The following CHURC1 variants were observed in gnomAD, a reference collection of about 807,000 sequenced individuals.
CHURC1 encodes churchill domain containing 1, also known as protein Churchill.
Under a neutral mutation model 15.4 loss-of-function variants are expected in CHURC1, and 12 were observed. The observed-to-expected ratio is 0.78, with a 90% confidence interval of 0.50 to 1.27. The LOEUF (loss-of-function observed/expected upper bound fraction) is 1.27. Ranked by LOEUF, CHURC1 falls within the 50% of genes most tolerant of loss-of-function variation. The pLI is 0.00. For synonymous variants in CHURC1, 42 were observed against 47.5 expected (o/e 0.88, Z 0.48); for missense variants, 132 against 137.8 (o/e 0.96, Z 0.21).
intron 2 of CHURC1, 83 bp from the exon 3 acceptor site, chr14:64,925,927 A>G (rs572154745): frequency 3.0e-6 from 3 of 986,880 alleles, no homozygotes; most frequent in Non-Finnish European, 4.5e-6. Context: ...TCTTTAAATA[A>G]TATGCTGAGA....
chr14:64,925,385 C>T (rs1429166122), intron 2 of CHURC1, among the ~76,000 whole-genome samples: 1 of 151,892 alleles, frequency 6.6e-6, no homozygotes, highest in African/African-American at 2.4e-5. Flanking sequence ...TAAATAGGTC[C>T]AGCTGGGATG....
intron 1 of CHURC1, among the ~76,000 whole-genome samples, chr14:64,922,591 AAAAAAAAAAATC>A (rs1032079887): frequency 6.6e-6 from 1 of 151,994 alleles, no homozygotes; most frequent in Non-Finnish European, 1.5e-5. Flanking sequence ...AAAAAAAAAA[AAAAAAAAAAATC>A]AAAGCAAAGC....
chr14:64,926,017 T>C lies in CHURC1; in HGVS notation c.183T>C (p.Cys61=), dbSNP rs1276581014. The C allele has an allele frequency of 8.1e-6, 13 of 1,596,590 alleles. No homozygotes were observed. In the Admixed American group the frequency reaches 2.3e-4, roughly 28 times the overall value. The change falls in exon 3 of 4, where the codon TGT becomes TGC. Residue 61 remains cysteine (C), a synonymous_variant. Coordinates refer to ENST00000549115, the MANE Select transcript of CHURC1 (RefSeq NM_001386928.1). ...CTCTCTTTGTTTTAGCAGATTTGTG[T>C]AAGAATTGTCATCATGTAATAGCCA... The part of the protein sequence containing the change: ...GEEIVTYDHL[C]KNCHHVIARH...
At chr14:64,930,256 A>G (rs1417764797) in intron 3 of CHURC1, among the ~76,000 whole-genome samples, 1 of 152,122 alleles carries the variant, frequency 6.6e-6, no homozygotes, top group Admixed American at 6.5e-5. Flanking sequence ...TATTTTCTGT[A>G]CTTGGCTGGT....
chr14:64,918,725 G>T (rs1016213329), intron 1 of CHURC1, among the ~76,000 whole-genome samples: 4 of 152,048 alleles, frequency 2.6e-5, no homozygotes, highest in Non-Finnish European at 5.9e-5. Flanking sequence ...ACCTACTTGG[G>T]AAGAGGCTAA....
Position 64,932,356 on chromosome 14 carries a change from ATTCTTTGAGG to A in CHURC1, c.*127_*136del. On this transcript the variant is annotated 3_prime_UTR_variant, in exon 4 of 4. Transcript: ENST00000549115. ...ATTTTTTTTCTGCTTAGACTTACTT[ATTCTTTGAGG>A]AAAAAAGGTAATGTAGGAGCTCATT... is the stretch of plus-strand genomic sequence containing the variant. The A allele has an allele frequency of 1.4e-6, 2 of 1,457,388 alleles. No homozygotes were observed. The highest frequency in any genetic ancestry group is 1.8e-6 in the Non-Finnish European group (2 of 1,102,222). The allele number at this position is 1,457,388 out of a possible 1,614,324, so 90.3% of individuals were successfully genotyped here.
intron 2 of CHURC1, among the ~76,000 whole-genome samples, chr14:64,925,778 A>T (rs1226627461): frequency 6.6e-6 from 1 of 151,768 alleles, no homozygotes; most frequent in Non-Finnish European, 1.5e-5. Context: ...TCTCTTAAAG[A>T]ACTTTTGGTG....
chr14:64,914,826 CCCCACTT>C (rs986176576), intron 1 of CHURC1, among the ~76,000 whole-genome samples: 6 of 152,254 alleles, frequency 3.9e-5, no homozygotes, highest in African/African-American at 1.2e-4. Flanking sequence ...ACTCCCCCAC[CCCCACTT>C]CCGGTCTCAT....
chr14:64,915,729 C>T (rs1883841563), intron 1 of CHURC1, among the ~76,000 whole-genome samples: 1 of 152,118 alleles, frequency 6.6e-6, no homozygotes, highest in African/African-American at 2.4e-5. Flanking sequence ...CAGACATGAC[C>T]CAGTGATTCC....
At chr14:64,914,625 C>T in intron 1 of CHURC1, 91 bp downstream of exon 1, 6 of 1,586,068 alleles carry the variant, frequency 3.8e-6, no homozygotes, top group South Asian at 1.1e-5. Flanking sequence ...GTACGTGGGG[C>T]GGACTCGGCC....
Position 64,933,298 on chromosome 14 carries a change from G to T in CHURC1, c.*1068G>T. 2.2e-6 allele frequency: 2 copies of T among 896,602 alleles called. No individual in the cohort carries two copies. Among genetic ancestry groups the T allele is most frequent in the Non-Finnish European group, 2.7e-6 (2 of 748,934 alleles). 55.5% of individuals were successfully genotyped at this position (896,602 alleles called of 1,614,324 possible). A position where few individuals can be genotyped will look rare whatever the true frequency, so the allele number is the denominator to read the frequency against. Reference sequence around the variant, plus strand: ...TACATGGAATTATATACCACGAAAAGAAAAAAAGGTCATTTGGTAGAAACT... The same window carrying T: ...TACATGGAATTATATACCACGAAAATAAAAAAAGGTCATTTGGTAGAAACT... On this transcript the variant is annotated 3_prime_UTR_variant, in exon 4 of 4. Coordinates refer to ENST00000549115, the MANE Select transcript of CHURC1 (RefSeq NM_001386928.1).
At chr14:64,928,687 A>AG (rs11422711) in intron 3 of CHURC1, among the ~76,000 whole-genome samples, 30,434 of 152,030 alleles carry the variant, frequency 0.2, 4,951 homozygotes, top group East Asian at 0.58. Flanking sequence ...TGACTGCCTT[A>AG]GTTCTTTTCT....
At position 64,933,120 on chromosome 14, in the gene CHURC1, A is replaced by T. The variant is rs904198301; in HGVS notation, c.*890A>T. ...ACCCAAGTCTGATCAGGAGAAAAAC[A>T]TCACACAAATTCCAATTGAGAAGCA... On this transcript the variant is annotated 3_prime_UTR_variant, in exon 4 of 4. Coordinates refer to ENST00000549115, the MANE Select transcript of CHURC1 (RefSeq NM_001386928.1). 6.5e-6 allele frequency: 1 copy of T among 153,556 alleles called. No individual in the cohort carries two copies. The highest frequency in any genetic ancestry group is 1.4e-5 in the Non-Finnish European group (1 of 69,146). 9.5% of individuals were successfully genotyped at this position (153,556 alleles called of 1,614,324 possible). A position where few individuals can be genotyped will look rare whatever the true frequency, so the allele number is the denominator to read the frequency against.
intron 1 of CHURC1, among the ~76,000 whole-genome samples, chr14:64,914,953 A>G (rs976532728): frequency 6.6e-6 from 1 of 152,242 alleles, no homozygotes. Flanking sequence ...ACCGATGCCC[A>G]GAGAGGGGAA....
intron 1 of CHURC1, among the ~76,000 whole-genome samples, chr14:64,921,032 T>C (rs1237057954): frequency 2.6e-5 from 4 of 152,200 alleles, no homozygotes. Flanking sequence ...GGGAACAGAA[T>C]AGTCAAAGCA....
chr14:64,922,396 G>A (rs1373407938), intron 1 of CHURC1, among the ~76,000 whole-genome samples: 1 of 151,862 alleles, frequency 6.6e-6, no homozygotes, highest in Non-Finnish European at 1.5e-5. Context: ...GGCTAGCATA[G>A]TGAAACCCCA....
chr14:64,927,011 A>G (rs1884758156), intron 3 of CHURC1, among the ~76,000 whole-genome samples: 1 of 152,162 alleles, frequency 6.6e-6, no homozygotes, highest in South Asian at 2.1e-4. Context: ...TGAACTACAT[A>G]TTTGTCCATA....
At position 64,928,592 on chromosome 14, in the gene CHURC1, C is replaced by A. The variant is rs373911520; in HGVS notation, c.246+2512C>A. On this transcript the variant is annotated intron_variant, in intron 3 of 3. Transcript: ENST00000549115. ...CTATTTTCCTTATTTTCCTATACTC[C>A]TCTTAAGTACCTACAAAGTGATTTT... 3.3e-5 allele frequency among the ~76,000 whole-genome samples: 5 copies of A among 152,196 alleles called. No homozygotes were observed. In the East Asian group the frequency reaches 7.7e-4, roughly 24 times the overall value.
chr14:64,926,821 G>A (rs1166493559), intron 3 of CHURC1, among the ~76,000 whole-genome samples: 1 of 152,222 alleles, frequency 6.6e-6, no homozygotes, highest in African/African-American at 2.4e-5. Flanking sequence ...TTACACAATT[G>A]TGAGAGTATG....
Sources: allele counts gnomAD v4.1 joint callset (sites outside exome capture counted in the v4.1 genomes callset), GRCh38; gene constraint gnomAD v4.1.1; transcripts MANE v1.5; gene names NCBI Gene and HGNC (gene_info 2026-07-23, HGNC 2026-07-21).